The following RELN variants were observed in gnomAD, a reference collection of about 807,000 sequenced individuals.
RELN encodes reelin.
A neutral mutation model predicts 427.6 loss-of-function variants in RELN; 108 were observed. That is an observed-to-expected ratio of 0.25 (90% confidence interval 0.22 to 0.30). RELN has a LOEUF of 0.30. Among genes scored for constraint, RELN ranks in the 10% least tolerant of loss-of-function variants. The probability of loss-of-function intolerance (pLI) is 1.00; values close to 1 mark genes in which losing one functional copy is unlikely to be tolerated. For missense variants in RELN, 3,715 were observed against 4,302.8 expected, an observed-to-expected ratio of 0.86 and a Z score of 3.82; for synonymous variants, 1,524 against 1,513.4, an observed-to-expected ratio of 1.01 and a Z score of -0.16.
intron 10 of RELN, among the ~76,000 whole-genome samples, chr7:103,684,583 T>C (rs1037856625): frequency 7.2e-5 from 11 of 152,288 alleles, no homozygotes; most frequent in African/African-American, 7.2e-5. Flanking sequence ...CTGAAATCCC[T>C]CAAGGAGTTT....
Position 103,744,703 on chromosome 7 carries a change from A to G in RELN, c.656+4723T>C, listed in dbSNP as rs1296658899. Reference sequence around the variant, plus strand: ...ATTCCTCAACACATACATCCTCCCAAGACTAAACCAGGAAGAAGTTGAATC... The same window carrying G: ...ATTCCTCAACACATACATCCTCCCAGGACTAAACCAGGAAGAAGTTGAATC... On this transcript the variant is annotated intron_variant, in intron 6 of 64. Coordinates refer to ENST00000428762, the MANE Select transcript of RELN (RefSeq NM_005045.4). 2.6e-5 allele frequency among the ~76,000 whole-genome samples: 4 copies of G among 152,248 alleles called. No homozygotes were observed. In the East Asian group the frequency reaches 7.7e-4, roughly 29 times the overall value.
In RELN at chr7:103,566,295, C is replaced by T. The variant is rs114306581; in HGVS notation, c.4865G>A (p.Arg1622Gln). The T allele has an allele frequency of 2.6e-5, 42 of 1,613,976 alleles. No homozygotes were observed. Among genetic ancestry groups the T allele is most frequent in the Non-Finnish European group, 3.1e-5 (37 of 1,179,928 alleles). ...AATATCAACTTGACCTCCTTGGATT[C>T]GATACCAGTTGGCTTGCAAATCTAT... is the stretch of plus-strand genomic sequence containing the variant. ...GSIDLQANWY[R>Q]IQGGQVDIDC... Residue 1622 changes from arginine (R) to glutamine (Q), a missense_variant, in exon 33 of 65, where the codon CGA (arginine) becomes CAA (glutamine). Physicochemically the swap from Arg to Gln is conservative, Grantham distance 43. Around this residue, in one of 4 missense-constraint regions of RELN, gnomAD observed 2,208 missense variants for 2,361.7 expected, o/e 0.93. Coordinates refer to ENST00000428762, the MANE Select transcript of RELN (RefSeq NM_005045.4).
chr7:103,622,774 A>C (rs1832248744), intron 20 of RELN, among the ~76,000 whole-genome samples: 1 of 152,038 alleles, frequency 6.6e-6, no homozygotes, highest in African/African-American at 2.4e-5. Flanking sequence ...CATTTCTCTT[A>C]CCCTAACAGC....
At chr7:103,541,438 G>A (rs926211984) in intron 43 of RELN, among the ~76,000 whole-genome samples, 3 of 152,100 alleles carry the variant, frequency 2.0e-5, no homozygotes, top group African/African-American at 7.2e-5. Context: ...CATTCCTCAT[G>A]AGTTCCCTTC....
intron 8 of RELN, among the ~76,000 whole-genome samples, chr7:103,706,564 A>G (rs1834204885): frequency 6.6e-6 from 1 of 152,214 alleles, no homozygotes; most frequent in Non-Finnish European, 1.5e-5. Flanking sequence ...AGAATGGAGT[A>G]GATATAAACC....
intron 2 of RELN, among the ~76,000 whole-genome samples, chr7:103,885,738 T>A (rs190492364): frequency 7.9e-5 from 12 of 152,180 alleles, no homozygotes; most frequent in African/African-American, 2.4e-4. Flanking sequence ...AACGTACTTT[T>A]AAAAAAGAAA....
intron 5 of RELN, among the ~76,000 whole-genome samples, chr7:103,750,672 G>A (rs1014359824): frequency 6.6e-6 from 1 of 151,962 alleles, no homozygotes; most frequent in Admixed American, 6.6e-5. Context: ...TATCCTTCTT[G>A]CCCTGGCTTG....
At chr7:103,787,593 A>T (rs541286358) in intron 3 of RELN, among the ~76,000 whole-genome samples, 1 of 152,336 alleles carries the variant, frequency 6.6e-6, no homozygotes, top group Admixed American at 6.5e-5. Flanking sequence ...GAAGAAATGG[A>T]TAAATTCCTA....
rs777222017 is a variant in RELN, at chr7:103,604,456, G to C, written c.3036C>G (p.Ser1012Arg). 3 of 1,613,924 alleles carry C rather than the reference G, an allele frequency of 1.9e-6. No individual in the cohort carries two copies. In the Admixed American group the frequency reaches 5.0e-5, roughly 27 times the overall value. Residue 1012 changes from serine to arginine, a missense_variant, in exon 23 of 65, where the codon AGC (serine) becomes AGG (arginine). By Grantham distance (110) the Ser-to-Arg change is moderately radical (BLOSUM62 -1). Around this residue, in one of 4 missense-constraint regions of RELN, gnomAD observed 2,208 missense variants for 2,361.7 expected, o/e 0.93. Transcript: ENST00000428762. ...TWSSATRFRW[S>R]QSYYTAQDEW... ...CGTCTTGAGCTGTGTAATAGCTCTG[G>C]CTCCAGCGGAAACGGGTAGCACTGG...
chr7:103,490,352 G>A (rs1828608866), intron 59 of RELN, among the ~76,000 whole-genome samples: 1 of 152,168 alleles, frequency 6.6e-6, no homozygotes. Flanking sequence ...CAGAACTGGT[G>A]CCAACACCAG....
intron 51 of RELN, among the ~76,000 whole-genome samples, chr7:103,504,927 C>T (rs955352698): frequency 3.9e-5 from 6 of 152,114 alleles, no homozygotes; most frequent in South Asian, 4.1e-4. Flanking sequence ...CTTGAGTAGG[C>T]GGTTTTCCCT....
Position 103,657,198 on chromosome 7 carries a change from G to A in RELN, c.1442-2993C>T, listed in dbSNP as rs185102442. The stretch of plus-strand genomic sequence containing the variant: ...TAATGTTTACTGTTCAACAACCTGT[G>A]GAGAAAAATCTTATGATTTTGACAT... On this transcript the variant is annotated intron_variant, in intron 12 of 64. Coordinates refer to ENST00000428762, the MANE Select transcript of RELN (RefSeq NM_005045.4). Among the ~76,000 whole-genome samples the A allele has an allele frequency of 3.1e-3, 466 of 152,054 alleles. 1 individual carries two copies. Among genetic ancestry groups the A allele is most frequent in the African/African-American group, 0.011 (451 of 41,510 alleles).
At chr7:103,567,139 C>T (rs1238858967) in intron 31 of RELN, among the ~76,000 whole-genome samples, 2 of 152,178 alleles carry the variant, frequency 1.3e-5, no homozygotes, top group African/African-American at 4.8e-5. Context: ...ATCTCCCTGG[C>T]AAAAAATCAA....
At chr7:103,826,172 T>C (rs1195694017) in intron 3 of RELN, among the ~76,000 whole-genome samples, 1 of 70,378 alleles carries the variant, frequency 1.4e-5, no homozygotes, top group Non-Finnish European at 3.6e-5. Flanking sequence ...TCCACCATGT[T>C]ATGACACAGG....
chr7:103,975,536 T>TATTC (rs1796855874), intron 1 of RELN, among the ~76,000 whole-genome samples: 2 of 148,840 alleles, frequency 1.3e-5, no homozygotes, highest in African/African-American at 2.5e-5. Flanking sequence ...TTTATTTATT[T>TATTC]ATTTATTTAT....
intron 1 of RELN, among the ~76,000 whole-genome samples, chr7:103,957,515 G>A (rs1319666707): frequency 1.3e-5 from 2 of 152,106 alleles, no homozygotes; most frequent in East Asian, 3.9e-4. Flanking sequence ...GAGGTGACTG[G>A]TTTGCCCTTT....
At chr7:103,580,776 T>G (rs926054532) in intron 28 of RELN, among the ~76,000 whole-genome samples, 3 of 152,184 alleles carry the variant, frequency 2.0e-5, no homozygotes, top group African/African-American at 4.8e-5. Flanking sequence ...GTCTCATTCT[T>G]ACGCCTTTCA....
chr7:103,489,203 G>GTGT (rs1828558083), intron 60 of RELN, among the ~76,000 whole-genome samples: 9 of 147,864 alleles, frequency 6.1e-5, no homozygotes, highest in East Asian at 4.0e-4. Context: ...GTCATAAAGG[G>GTGT]GTGTGTGTGT....
At chr7:103,916,762 T>C (rs1362704103) in intron 2 of RELN, among the ~76,000 whole-genome samples, 1 of 152,132 alleles carries the variant, frequency 6.6e-6, no homozygotes, top group Non-Finnish European at 1.5e-5. Flanking sequence ...TGCGTGGACA[T>C]CAGAGCAAAT....
Sources: allele counts gnomAD v4.1 joint callset (sites outside exome capture counted in the v4.1 genomes callset), GRCh38; gene constraint gnomAD v4.1.1; regional missense constraint gnomAD v4.1.1; transcripts MANE v1.5; gene names NCBI Gene and HGNC (gene_info 2026-07-23, HGNC 2026-07-21).